The following CSMD1 variants were observed in gnomAD, a reference collection of about 807,000 sequenced individuals.
The protein encoded by CSMD1 is CUB and Sushi multiple domains 1, also known as CUB and sushi domain-containing protein 1.
Under a neutral mutation model 417.5 loss-of-function variants are expected in CSMD1, and 213 were observed. That is an observed-to-expected ratio of 0.51 (90% CI 0.46 to 0.57). The LOEUF (loss-of-function observed/expected upper bound fraction) is 0.57. Among genes scored for constraint, CSMD1 ranks in the 20% least tolerant of loss-of-function variants. The pLI, the probability that CSMD1 is intolerant of heterozygous loss-of-function variation, is 0.00. For synonymous variants in CSMD1, 2,862 were observed against 1,736.8 expected (o/e 1.65, Z -16.11); for missense variants, 6,923 against 4,529.7 (o/e 1.53, Z -15.17).
At chr8:4,898,455 A>T (rs1407709042) in intron 1 of CSMD1, among the ~76,000 whole-genome samples, 1 of 151,560 alleles carries the variant, frequency 6.6e-6, no homozygotes, top group South Asian at 2.1e-4. Flanking sequence ...GGGTGTAGAA[A>T]GTGTAAGTGA....
chr8:3,697,414 G>C (rs886573957), intron 7 of CSMD1, among the ~76,000 whole-genome samples: 1 of 152,032 alleles, frequency 6.6e-6, no homozygotes, highest in Non-Finnish European at 1.5e-5. Context: ...TTTAACTCTT[G>C]GTCTCTTCGT....
At chr8:4,780,292 G>T (rs953675570) in intron 1 of CSMD1, among the ~76,000 whole-genome samples, 1 of 152,172 alleles carries the variant, frequency 6.6e-6, no homozygotes, top group African/African-American at 2.4e-5. Context: ...CTTTGTCTCT[G>T]TATACTGCGC....
chr8:4,778,976 G>A (rs1381610546), intron 1 of CSMD1, among the ~76,000 whole-genome samples: 1 of 152,186 alleles, frequency 6.6e-6, no homozygotes, highest in African/African-American at 2.4e-5. Context: ...TGTTTAGAAA[G>A]AATTGATAGG....
chr8:4,121,759 A>C (rs1018053637), intron 3 of CSMD1, among the ~76,000 whole-genome samples: 1 of 152,144 alleles, frequency 6.6e-6, no homozygotes, highest in Non-Finnish European at 1.5e-5. Context: ...ATTAATTTGC[A>C]CAAAATTACA....
At chr8:3,275,200 C>T (rs1802185539) in intron 26 of CSMD1, among the ~76,000 whole-genome samples, 1 of 152,144 alleles carries the variant, frequency 6.6e-6, no homozygotes, top group Non-Finnish European at 1.5e-5. Context: ...CTTAGTTTGG[C>T]TGGATATGAA....
At chr8:3,313,111 A>C (rs115124915) in intron 23 of CSMD1, among the ~76,000 whole-genome samples, 2,463 of 152,336 alleles carry the variant, frequency 0.016, 69 homozygotes, top group African/African-American at 0.056. Flanking sequence ...TCCATGTTTT[A>C]AGAAATCTCA....
At chr8:4,991,161 C>G (rs1584959325) in intron 1 of CSMD1, among the ~76,000 whole-genome samples, 1 of 152,054 alleles carries the variant, frequency 6.6e-6, no homozygotes, top group Non-Finnish European at 1.5e-5. Flanking sequence ...AGATCAGCCC[C>G]GGGTAAAGGG....
intron 40 of CSMD1, among the ~76,000 whole-genome samples, chr8:3,148,559 T>C (rs930372686): frequency 5.3e-5 from 8 of 152,324 alleles, no homozygotes; most frequent in African/African-American, 1.9e-4. Flanking sequence ...AGACTTCAAG[T>C]TCTGGTAGTG....
chr8:3,403,760 T>C (rs1360310228), intron 15 of CSMD1, among the ~76,000 whole-genome samples: 2 of 152,194 alleles, frequency 1.3e-5, no homozygotes, highest in African/African-American at 2.4e-5. Flanking sequence ...TTTGCACCTG[T>C]GACTAACTGT....
intron 3 of CSMD1, among the ~76,000 whole-genome samples, chr8:4,119,893 C>T (rs1178105412): frequency 2.6e-5 from 4 of 152,096 alleles, no homozygotes; most frequent in Non-Finnish European, 5.9e-5. Flanking sequence ...AGGACAGTTG[C>T]CGGAGTCTGG....
At chr8:3,269,207 G>GTGAA (rs1245467205) in intron 26 of CSMD1, among the ~76,000 whole-genome samples, 3 of 152,224 alleles carry the variant, frequency 2.0e-5, no homozygotes, top group Non-Finnish European at 2.9e-5. Context: ...AAAGCTGAAT[G>GTGAA]CAGCTGTCTT....
rs78990631 is a variant in CSMD1 at position 3,872,400 on chromosome 8, T to C, written c.819-118358A>G. On this transcript the variant is annotated intron_variant, in intron 5 of 69. Transcript: ENST00000635120. Reference sequence around the variant, plus strand: ...TGCTTCAGTGACTCTCAACTGTTCATTACTACCTTCCTGAAGTGTCCAGTT... The same window carrying C: ...TGCTTCAGTGACTCTCAACTGTTCACTACTACCTTCCTGAAGTGTCCAGTT... Among the ~76,000 whole-genome samples the C allele has an allele frequency of 1.1e-4, 16 of 152,280 alleles. No individual in the cohort carries two copies. In the South Asian group the frequency reaches 1.2e-3, roughly 12 times the overall value.
chr8:4,981,757 G>A (rs1394089203), intron 1 of CSMD1, among the ~76,000 whole-genome samples: 2 of 152,118 alleles, frequency 1.3e-5, no homozygotes, highest in East Asian at 1.9e-4. Flanking sequence ...CCTTGAGAGT[G>A]GGCAGGACCC....
At chr8:3,723,136 C>A (rs1003827070) in intron 6 of CSMD1, among the ~76,000 whole-genome samples, 1 of 152,082 alleles carries the variant, frequency 6.6e-6, no homozygotes, top group Non-Finnish European at 1.5e-5. Flanking sequence ...TTCGGTGGTT[C>A]TAGGACTGAG....
chr8:4,289,583 G>C (rs942170260), intron 3 of CSMD1, among the ~76,000 whole-genome samples: 2 of 152,132 alleles, frequency 1.3e-5, no homozygotes, highest in African/African-American at 4.8e-5. Flanking sequence ...ATTTTGTCCA[G>C]GTCTGGCAGT....
intron 3 of CSMD1, among the ~76,000 whole-genome samples, chr8:4,063,867 G>A (rs908859659): frequency 2.1e-4 from 32 of 152,166 alleles, no homozygotes; most frequent in Non-Finnish European, 3.8e-4. Context: ...TGTCACATCA[G>A]CATTTTACAC....
intron 5 of CSMD1, among the ~76,000 whole-genome samples, chr8:3,890,386 G>A (rs1177932921): frequency 6.6e-6 from 1 of 152,044 alleles, no homozygotes; most frequent in East Asian, 1.9e-4. Context: ...ATAGACTGTG[G>A]AAAACAAAGA....
At chr8:4,885,193 CCTG>C (rs1336428855) in intron 1 of CSMD1, among the ~76,000 whole-genome samples, 1 of 152,092 alleles carries the variant, frequency 6.6e-6, no homozygotes, top group Middle Eastern at 3.4e-3. Context: ...AACCTGCAAG[CCTG>C]CTAAATTTTA....
intron 23 of CSMD1, among the ~76,000 whole-genome samples, chr8:3,339,318 G>A (rs535039084): frequency 1.6e-3 from 239 of 152,122 alleles, no homozygotes; most frequent in Non-Finnish European, 1.3e-3. Context: ...TCTGTTTGCA[G>A]AACACTTTAA....
Sources: allele counts gnomAD v4.1 joint callset (sites outside exome capture counted in the v4.1 genomes callset), GRCh38; gene constraint gnomAD v4.1.1; transcripts MANE v1.5; gene names NCBI Gene and HGNC (gene_info 2026-07-23, HGNC 2026-07-21).